The following FMNL2 variants were observed in gnomAD, a reference collection of about 807,000 sequenced individuals.
The protein encoded by FMNL2 is formin-like protein 2.
FMNL2 carries 51 observed loss-of-function variants against 130.2 expected under a neutral mutation model. The ratio of observed to expected loss-of-function variants is 0.39; its 90% confidence interval spans 0.31 to 0.49. The LOEUF is 0.49. Among genes scored for constraint, FMNL2 ranks in the 20% least tolerant of loss-of-function variants. The pLI is 0.85. For synonymous variants in FMNL2, 465 were observed against 467.1 expected (o/e 1.00, Z 0.06); for missense variants, 977 against 1,316.2 (o/e 0.74, Z 3.99).
rs187650974 is a variant in FMNL2, at chr2:152,528,660, G to T, written c.201+6634G>T. 3.9e-5 allele frequency among the ~76,000 whole-genome samples: 6 copies of T among 152,228 alleles called. No individual in the cohort carries two copies. The East Asian group carries it at 1.2e-3, about 29-fold the overall frequency. On this transcript the variant is annotated intron_variant, in intron 2 of 25. Coordinates refer to ENST00000288670, the MANE Select transcript of FMNL2 (RefSeq NM_052905.4). The stretch of plus-strand genomic sequence containing the variant: ...TGCAAACACCCTTTTTTCCACAAAT[G>T]GTTATACTCACTGGTGGTTGGGGGA...
chr2:152,405,242 T>C (rs1045813975), intron 1 of FMNL2, among the ~76,000 whole-genome samples: 9 of 152,186 alleles, frequency 5.9e-5, no homozygotes, highest in Non-Finnish European at 1.0e-4. Flanking sequence ...GAAGGCTGGA[T>C]TGGAAAGGTT....
chr2:152,478,532 G>C (rs547460473), intron 1 of FMNL2, among the ~76,000 whole-genome samples: 1 of 152,082 alleles, frequency 6.6e-6, no homozygotes, highest in African/African-American at 2.4e-5. Context: ...TACTGTGCCC[G>C]GCCTGAAAAT....
chr2:152,566,049 G>A (rs1381740044), intron 6 of FMNL2, among the ~76,000 whole-genome samples: 1 of 152,130 alleles, frequency 6.6e-6, no homozygotes. Flanking sequence ...CAAAGTGCTG[G>A]GATTACAAGC....
chr2:152,604,785 G>A (rs950761221), intron 9 of FMNL2, among the ~76,000 whole-genome samples: 6 of 151,946 alleles, frequency 3.9e-5, no homozygotes, highest in Non-Finnish European at 5.9e-5. Context: ...TAGTACAGAC[G>A]GGGTTTTACC....
intron 1 of FMNL2, among the ~76,000 whole-genome samples, chr2:152,400,562 G>T (rs1460031805): frequency 6.6e-6 from 1 of 152,358 alleles, no homozygotes; most frequent in South Asian, 2.1e-4. Context: ...GCTGCAAAGA[G>T]TATGGAGGAG....
At chr2:152,385,117 C>T (rs1164891869) in intron 1 of FMNL2, among the ~76,000 whole-genome samples, 4 of 152,220 alleles carry the variant, frequency 2.6e-5, no homozygotes, top group Admixed American at 6.5e-5. Context: ...TGTGGGATTG[C>T]TCCTGTATTC....
At chr2:152,529,392 G>A (rs1194372460) in intron 2 of FMNL2, among the ~76,000 whole-genome samples, 1 of 152,092 alleles carries the variant, frequency 6.6e-6, no homozygotes, top group Non-Finnish European at 1.5e-5. Flanking sequence ...AAGGCATTTT[G>A]TATCTTTGCT....
chr2:152,611,899 A>T (rs1055737031), intron 11 of FMNL2, among the ~76,000 whole-genome samples: 1 of 152,154 alleles, frequency 6.6e-6, no homozygotes, highest in African/African-American at 2.4e-5. Flanking sequence ...CATCTGGGTC[A>T]AGTCTCATTG....
At chr2:152,639,742 GGATGAATTGAATCTCA>G (rs1214926296) in intron 23 of FMNL2, among the ~76,000 whole-genome samples, 200 bp from the exon 24 acceptor site, 1 of 152,092 alleles carries the variant, frequency 6.6e-6, no homozygotes, top group Non-Finnish European at 1.5e-5. Flanking sequence ...AAGGACTTCT[GGATGAATTGAATCTCA>G]GCTCCCAGCT....
chr2:152,644,490 C>A (rs1321057419), intron 25 of FMNL2, among the ~76,000 whole-genome samples: 1 of 152,130 alleles, frequency 6.6e-6, no homozygotes, highest in African/African-American at 2.4e-5. Flanking sequence ...ACAGGGAGCC[C>A]TTTTAACCTA....
At chr2:152,397,776 C>A (rs1473775677) in intron 1 of FMNL2, among the ~76,000 whole-genome samples, 1 of 152,072 alleles carries the variant, frequency 6.6e-6, no homozygotes, top group Non-Finnish European at 1.5e-5. Flanking sequence ...CTGTAAACTT[C>A]TGATTTGTAT....
chr2:152,547,877 C>G (rs934750), intron 3 of FMNL2, among the ~76,000 whole-genome samples: 1 of 152,050 alleles, frequency 6.6e-6, no homozygotes, highest in Non-Finnish European at 1.5e-5. Context: ...GCTTAGGAGG[C>G]GCTGACATCA....
intron 1 of FMNL2, among the ~76,000 whole-genome samples, chr2:152,474,612 G>A (rs1023363819): frequency 3.3e-5 from 5 of 152,156 alleles, no homozygotes; most frequent in Non-Finnish European, 7.4e-5. Flanking sequence ...CTTGAACCCA[G>A]GAGGTAGAGT....
At position 152,628,210 on chromosome 2, in the gene FMNL2, GGATGGATGAACCTGAAAA is replaced by G. The variant is rs560415368; in HGVS notation, c.2166-77_2166-60del. The G allele has an allele frequency of 1.4e-4, 149 of 1,103,454 alleles. 1 individual carries two copies. In the East Asian group the frequency reaches 1.8e-3, roughly 13 times the overall value. 68.4% of individuals were successfully genotyped at this position (1,103,454 alleles called of 1,614,324 possible). ...TGATGAGCTGTACCAGATGGATGAT[GGATGGATGAACCTGAAAA>G]GATGGATGAACTTGAAAAGGGGGTA... is the stretch of plus-strand genomic sequence containing the variant. On this transcript the variant is annotated intron_variant, in intron 17 of 25. Transcript: ENST00000288670.
chr2:152,523,300 A>G (rs1202827414), intron 2 of FMNL2, among the ~76,000 whole-genome samples: 1 of 152,202 alleles, frequency 6.6e-6, no homozygotes, highest in Admixed American at 6.5e-5. Flanking sequence ...TTGGCTGCTA[A>G]GATGCTCAGA....
At chr2:152,593,424 T>C (rs1020072900) in intron 9 of FMNL2, among the ~76,000 whole-genome samples, 2 of 152,186 alleles carry the variant, frequency 1.3e-5, no homozygotes, top group African/African-American at 4.8e-5. Context: ...GATAAAACTT[T>C]AGGAGTATTG....
At chr2:152,647,749 T>C (rs766576415) in intron 25 of FMNL2, 47 bp from the exon 26 acceptor site, 3 of 1,576,882 alleles carry the variant, frequency 1.9e-6, no homozygotes, top group African/African-American at 2.7e-5. Flanking sequence ...CTTAGACACA[T>C]GCTATTAAAG....
intron 1 of FMNL2, among the ~76,000 whole-genome samples, chr2:152,479,378 C>G (rs1156888873): frequency 6.6e-6 from 1 of 152,178 alleles, no homozygotes; most frequent in Non-Finnish European, 1.5e-5. Flanking sequence ...TTCCTGGGCT[C>G]AAGTCATCCT....
rs377020962 is a variant in FMNL2, at chr2:152,617,087, A to G, written c.1213-4A>G. 2.5e-5 allele frequency: 41 copies of G among 1,613,304 alleles called. No homozygotes were observed. Among genetic ancestry groups the G allele is most frequent in the Non-Finnish European group, 3.5e-5 (41 of 1,179,472 alleles). ...GTGACAGCTTTCTTTTCAAAATTTT[A>G]CAGTTATCTGAAAAACTGCAAGACA... On this transcript the variant is annotated splice_region_variant and splice_polypyrimidine_tract_variant and intron_variant, in intron 12 of 25. Transcript: ENST00000288670.
Sources: gnomAD v4.1 joint callset for allele counts (sites outside exome capture counted in the v4.1 genomes callset) on GRCh38, gnomAD v4.1.1 for gene constraint, MANE v1.5 for transcripts, NCBI Gene and HGNC (gene_info 2026-07-23, HGNC 2026-07-21) for gene names.